Variants in SATB1 observed in about 807,000 individuals in gnomAD.
The protein encoded by SATB1 is SATB homeobox 1, also known as DNA-binding protein SATB1.
In SATB1, 11 loss-of-function variants were observed where a neutral mutation model predicts 86.9. The ratio of observed to expected loss-of-function variants is 0.13; its 90% confidence interval spans 0.08 to 0.21. The LOEUF (loss-of-function observed/expected upper bound fraction) is 0.21. Among genes scored for constraint, SATB1 ranks in the 10% least tolerant of loss-of-function variants. SATB1 has a pLI of 1.00. For missense variants in SATB1, 551 were observed against 937.6 expected, an observed-to-expected ratio of 0.59 and a Z score of 5.39; for synonymous variants, 357 against 357.2, an observed-to-expected ratio of 1.00 and a Z score of 0.01.
intron 5 of SATB1, among the ~76,000 whole-genome samples, chr3:18,412,818 GCAAACAGAAAA>G (rs1029915062): frequency 1.1e-4 from 16 of 151,948 alleles, no homozygotes; most frequent in Admixed American, 9.2e-4. Flanking sequence ...TAATAAAGAA[GCAAACAGAAAA>G]CAGTTTATGT....
chr3:18,399,588 G>A (rs887955664), intron 5 of SATB1, among the ~76,000 whole-genome samples: 1 of 152,086 alleles, frequency 6.6e-6, no homozygotes, highest in African/African-American at 2.4e-5. Context: ...ATCCATATGT[G>A]CATCATTGTC....
intron 7 of SATB1, among the ~76,000 whole-genome samples, chr3:18,393,487 C>T (rs1402858676): frequency 6.6e-6 from 1 of 152,168 alleles, no homozygotes; most frequent in Non-Finnish European, 1.5e-5. Flanking sequence ...TCTCAAATAT[C>T]TTTATCTTAT....
intron 9 of SATB1, among the ~76,000 whole-genome samples, chr3:18,369,707 G>A (rs1014690217): frequency 6.6e-6 from 1 of 151,970 alleles, no homozygotes; most frequent in Non-Finnish European, 1.5e-5. Context: ...TTAGCTGTAA[G>A]GGATGGGGGG....
Position 18,386,269 on chromosome 3 carries a change from T to C in SATB1, c.1419+130A>G, listed in dbSNP as rs1696336274. The stretch of plus-strand genomic sequence containing the variant: ...TTAATGATTTGGGACCAAATTCTCC[T>C]CAAGCAACTATACGAATTTAAAAAC... On this transcript the variant is annotated intron_variant, in intron 8 of 10. Transcript: ENST00000338745. This position sits in a 1 kb window ranked among gnomAD's most constrained non-coding sequence, Gnocchi z 4.5. 1.4e-6 allele frequency: 1 copy of C among 731,324 alleles called. No individual in the cohort carries two copies. The highest frequency in any genetic ancestry group is 1.8e-5 in the African/African-American group (1 of 56,008). 45.3% of individuals were successfully genotyped at this position (731,324 alleles called of 1,614,324 possible).
At chr3:18,358,096 T>C (rs1694738323) in intron 9 of SATB1, among the ~76,000 whole-genome samples, 1 of 152,082 alleles carries the variant, frequency 6.6e-6, no homozygotes, top group South Asian at 2.1e-4. Flanking sequence ...GGTGGCAAAG[T>C]GGTATTGATC....
chr3:18,370,876 C>T (rs1209094120), intron 9 of SATB1, among the ~76,000 whole-genome samples: 1 of 152,224 alleles, frequency 6.6e-6, no homozygotes, highest in Non-Finnish European at 1.5e-5. Flanking sequence ...CCATCCGTAG[C>T]GTCGATACTC....
intron 9 of SATB1, among the ~76,000 whole-genome samples, chr3:18,371,499 G>T (rs1301121247): frequency 1.3e-5 from 2 of 152,086 alleles, no homozygotes; most frequent in African/African-American, 4.8e-5. Flanking sequence ...AATCTCTAAG[G>T]TTACTTTTTA....
At chr3:18,419,839 A>G (rs902559831) in intron 2 of SATB1, among the ~76,000 whole-genome samples, 3 of 152,238 alleles carry the variant, frequency 2.0e-5, no homozygotes, top group African/African-American at 7.2e-5. Flanking sequence ...TTCAGGATCA[A>G]TATATTCTTT....
intron 9 of SATB1, among the ~76,000 whole-genome samples, chr3:18,377,103 A>C (rs1695797598): frequency 6.6e-6 from 1 of 152,192 alleles, no homozygotes; most frequent in Non-Finnish European, 1.5e-5. Context: ...GTAACACTAT[A>C]AATGTCGATA....
intron 1 of SATB1, among the ~76,000 whole-genome samples, chr3:18,421,843 TAA>T (rs201544416): frequency 2.9e-5 from 4 of 137,032 alleles, no homozygotes; most frequent in Admixed American, 7.3e-5. Flanking sequence ...CAAGCTCAAT[TAA>T]AAAAAAAAAA....
intron 1 of SATB1, among the ~76,000 whole-genome samples, chr3:18,422,743 A>G (rs1265088901): frequency 6.6e-6 from 1 of 152,218 alleles, no homozygotes. Context: ...TATGATTTGA[A>G]AAGAAAAATC....
intron 5 of SATB1, among the ~76,000 whole-genome samples, chr3:18,404,787 C>T (rs917039624): frequency 6.8e-5 from 10 of 147,600 alleles, no homozygotes; most frequent in Non-Finnish European, 1.4e-4. Context: ...TCTTATCACA[C>T]TGAAACCTAA....
intron 9 of SATB1, among the ~76,000 whole-genome samples, chr3:18,363,751 A>G (rs1695039368): frequency 6.6e-6 from 1 of 152,166 alleles, no homozygotes; most frequent in Non-Finnish European, 1.5e-5. Flanking sequence ...TGTGCTAGTC[A>G]TTGTGTAGGC....
Position 18,420,723 on chromosome 3 carries a change from T to A in SATB1, c.211+34A>T, listed in dbSNP as rs779030030. The stretch of plus-strand genomic sequence containing the variant: ...TGGCCTTGTGTAGACAACAGGGCTT[T>A]CAGCTTTTCAAGATTTGGCTTGAAG... On this transcript the variant is annotated intron_variant, in intron 2 of 10. Transcript: ENST00000338745. The A allele has an allele frequency of 1.9e-6, 3 of 1,586,340 alleles. No individual in the cohort carries two copies. In the Admixed American group the frequency reaches 5.0e-5, roughly 26 times the overall value.
upstream of SATB1, among the ~76,000 whole-genome samples, chr3:18,428,977 A>G (rs938309673): frequency 1.5e-4 from 23 of 152,360 alleles, no homozygotes; most frequent in African/African-American, 4.3e-4. Context: ...GCTTACCACC[A>G]TAACACTTTC....
intron 7 of SATB1, among the ~76,000 whole-genome samples, chr3:18,390,859 A>AT (rs1292784288): frequency 6.6e-6 from 1 of 152,172 alleles, no homozygotes; most frequent in Non-Finnish European, 1.5e-5. Context: ...ATGTATTTGC[A>AT]TGTATCAGAA....
At position 18,415,938 on chromosome 3, in the gene SATB1, G is replaced by A. The variant is rs1212645356; in HGVS notation, c.515+69C>T. 7.8e-6 allele frequency: 11 copies of A among 1,417,976 alleles called. No individual in the cohort carries two copies. In the Admixed American group the frequency reaches 1.8e-4, roughly 23 times the overall value. The allele number at this position is 1,417,976 out of a possible 1,614,324, so 87.8% of individuals were successfully genotyped here. ...AAAAAAAAATTGAAGGTCGACCAGAGAGAAATGCTTCATTTCAAAAGACCA... is the reference window on the plus strand; with the variant it reads ...AAAAAAAAATTGAAGGTCGACCAGAAAGAAATGCTTCATTTCAAAAGACCA... On this transcript the variant is annotated intron_variant, in intron 4 of 10. Transcript: ENST00000338745.
At chr3:18,356,878 T>G (rs1694670690) in intron 9 of SATB1, among the ~76,000 whole-genome samples, 1 of 151,950 alleles carries the variant, frequency 6.6e-6, no homozygotes, top group African/African-American at 2.4e-5. Flanking sequence ...AGGCCTGTTC[T>G]GTGACAAAGC....
chr3:18,368,147 T>G lies in SATB1; in HGVS notation c.1575+10023A>C, dbSNP rs564081002. On this transcript the variant is annotated intron_variant, in intron 9 of 10. Coordinates refer to ENST00000338745, the MANE Select transcript of SATB1 (RefSeq NM_002971.6). ...AGCAGGGATGGGTTTATCTCCCTGATTAGCAATGGGTATTTTTACTTCTGT... is the reference window on the plus strand; with the variant it reads ...AGCAGGGATGGGTTTATCTCCCTGAGTAGCAATGGGTATTTTTACTTCTGT... Among the ~76,000 whole-genome samples the G allele has an allele frequency of 1.3e-5, 2 of 152,338 alleles. 1 individual carries two copies.
Sources: allele counts gnomAD v4.1 joint callset (sites outside exome capture counted in the v4.1 genomes callset), GRCh38; gene constraint gnomAD v4.1.1; non-coding constraint Gnocchi (gnomAD v3.1); transcripts MANE v1.5; gene names NCBI Gene and HGNC (gene_info 2026-07-23, HGNC 2026-07-21).